The following PHLDB3 variants were observed in gnomAD, a reference collection of about 807,000 sequenced individuals.
PHLDB3 encodes pleckstrin homology like domain family B member 3, also known as pleckstrin homology-like domain family B member 3.
A neutral mutation model predicts 85.7 loss-of-function variants in PHLDB3; 86 were observed. That is an observed-to-expected ratio of 1.00 (90% CI 0.84 to 1.20). PHLDB3 has a LOEUF of 1.20. Ranked by LOEUF, PHLDB3 falls within the 50% of genes most tolerant of loss-of-function variation. The probability of loss-of-function intolerance (pLI) is 0.00; values close to 1 mark genes in which losing one functional copy is unlikely to be tolerated. For missense variants in PHLDB3, 995 were observed against 873.0 expected (o/e 1.14, Z -1.76); for synonymous variants, 376 against 349.8 (o/e 1.07, Z -0.83).
At chr19:43,492,709 A>AG in intron 9 of PHLDB3, among the ~76,000 whole-genome samples, 1 of 151,974 alleles carries the variant, frequency 6.6e-6, no homozygotes, top group East Asian at 1.9e-4. Context: ...GCCACATACT[A>AG]GCTGGTTAAA....
At chr19:43,491,627 G>A (rs866129920) in intron 9 of PHLDB3, among the ~76,000 whole-genome samples, 22 of 150,454 alleles carry the variant, frequency 1.5e-4, no homozygotes, top group Middle Eastern at 6.9e-3. Flanking sequence ...TCAGCCTCCC[G>A]AGTAACTGGG....
rs1410559513 is a variant in PHLDB3 at position 43,503,107 on chromosome 19, CCT to C, written c.213+797_213+798del. Among the ~76,000 whole-genome samples, 4 of 152,144 alleles carry C rather than the reference CCT, an allele frequency of 2.6e-5. No homozygotes were observed. In the East Asian group the frequency reaches 5.8e-4, roughly 22 times the overall value. Reference sequence around the variant, plus strand: ...TCTCTGCCATTTATTTCTGGGTTTCCCTCTGTCTCGATTCCCCTCTCTCTGAC... The same window carrying C: ...TCTCTGCCATTTATTTCTGGGTTTCCCTGTCTCGATTCCCCTCTCTCTGAC... On this transcript the variant is annotated intron_variant, in intron 2 of 15. Transcript: ENST00000292140.
intron 1 of PHLDB3, 74 bp from the exon 2 acceptor site, chr19:43,504,206 G>A (rs1375820230): frequency 6.0e-6 from 8 of 1,339,618 alleles, no homozygotes; most frequent in African/African-American, 1.6e-5. Context: ...GTCTGCTCCG[G>A]GGCGCGGAGA....
chr19:43,477,734 G>A lies in PHLDB3; in HGVS notation c.1788+313C>T, dbSNP rs112154063. On this transcript the variant is annotated intron_variant, in intron 15 of 15. Coordinates refer to ENST00000292140, the MANE Select transcript of PHLDB3 (RefSeq NM_198850.4). ...GAGGCAGGAGAATTGCTTGAACCAG[G>A]GAGGCGGAGGTTGCAGTGAGCCGAG... Among the ~76,000 whole-genome samples the A allele has an allele frequency of 1.1e-4, 16 of 151,530 alleles. 1 individual carries two copies. The highest frequency in any genetic ancestry group is 3.9e-4 in the African/African-American group (16 of 40,962).
At chr19:43,497,902 C>A (rs1438494070) in intron 4 of PHLDB3, 26 bp from the exon 5 acceptor site, 1 of 1,584,202 alleles carries the variant, frequency 6.3e-7, no homozygotes. Context: ...GGTTCTCACC[C>A]TCAGCTTAAG....
intron 13 of PHLDB3, among the ~76,000 whole-genome samples, chr19:43,481,547 G>T (rs1422829293): frequency 6.6e-6 from 1 of 152,104 alleles, no homozygotes; most frequent in Non-Finnish European, 1.5e-5. Flanking sequence ...GAACTCGGGA[G>T]GTGGAGGTTG....
chr19:43,486,424 G>A, intron 12 of PHLDB3, 102 bp from the exon 13 acceptor site: 1 of 1,312,190 alleles, frequency 7.6e-7, no homozygotes, highest in Non-Finnish European at 1.0e-6. Context: ...TACAGGGACT[G>A]GGGGCCTGGA....
intron 13 of PHLDB3, among the ~76,000 whole-genome samples, chr19:43,480,835 A>T (rs1283368053): frequency 6.6e-6 from 1 of 152,146 alleles, no homozygotes; most frequent in East Asian, 1.9e-4. Flanking sequence ...TAGAGTGGTC[A>T]CCTCAGATGG....
In PHLDB3 at chr19:43,502,201, C is replaced by T. The variant is rs377400669; in HGVS notation, c.296G>A (p.Arg99Gln). 1.3e-6 allele frequency: 2 copies of T among 1,569,500 alleles called. No homozygotes were observed. The highest frequency in any genetic ancestry group is 1.7e-4 in the Middle Eastern group (1 of 5,966). ...SSREGVRGAA[R>Q]RLQGQQLEAL... ...CTCCAGCTGCTGTCCTTGCAGGCGC[C>T]GCGCCGCCCCTCGCACCCCTTCCCG... The change falls in exon 3 of 16, where the codon CGG becomes CAG. Residue 99 changes from arginine to glutamine, a missense_variant. Transcript: ENST00000292140.
intron 13 of PHLDB3, among the ~76,000 whole-genome samples, chr19:43,484,676 C>T (rs2145904703): frequency 6.6e-6 from 1 of 152,296 alleles, no homozygotes; most frequent in East Asian, 1.9e-4. Context: ...CACATCACTG[C>T]ACTCTAGCCT....
intron 10 of PHLDB3, 29 bp from the exon 11 acceptor site, chr19:43,486,899 C>G: frequency 1.3e-6 from 2 of 1,514,138 alleles, no homozygotes; most frequent in Non-Finnish European, 1.8e-6. Flanking sequence ...GGTTACAGGG[C>G]TGGATACACC....
intron 13 of PHLDB3, among the ~76,000 whole-genome samples, chr19:43,480,340 C>G (rs1449607661): frequency 1.4e-5 from 2 of 147,920 alleles, no homozygotes. Flanking sequence ...CCTGTAATCT[C>G]AGCACTTTGG....
chr19:43,494,785 G>C lies in PHLDB3; in HGVS notation c.1066C>G (p.Leu356Val), dbSNP rs757016158. 7 of 1,613,074 alleles carry C rather than the reference G, an allele frequency of 4.3e-6. No individual in the cohort carries two copies. The African/African-American group carries it at 9.3e-5, about 22-fold the overall frequency. Residue 356 changes from leucine (L) to valine (V), a missense_variant, in exon 9 of 16, where the codon CTG (leucine) becomes GTG (valine). Leu to Val is a conservative substitution (Grantham distance 32, BLOSUM62 1). Transcript: ENST00000292140. ...LLFTQKTDRQ[L>V]LVLQDAVAHS... ...GCCACGGCATCCTGGAGCACCAGCA[G>C]CTGGCGGTCTGTCTTCTGGGTGAAC... is the stretch of plus-strand genomic sequence containing the variant.
In PHLDB3 at chr19:43,492,891, G is replaced by GTTA. The variant is rs199624815; in HGVS notation, c.1149+1808_1149+1810dup. Among the ~76,000 whole-genome samples the GTTA allele has an allele frequency of 5.5e-3, 829 of 151,860 alleles. 20 individuals are homozygous for GTTA. The highest frequency in any genetic ancestry group is 0.012 in the East Asian group (61 of 5,190). On this transcript the variant is annotated intron_variant, in intron 9 of 15. Transcript: ENST00000292140. ...TGTTATTATTATTGCTATTGTTAAT[G>GTTA]TTATTATTATTATTATTGTAAAGTC...
chr19:43,493,955 G>C (rs1324953256), intron 9 of PHLDB3, among the ~76,000 whole-genome samples: 1 of 152,120 alleles, frequency 6.6e-6, no homozygotes, highest in Non-Finnish European at 1.5e-5. Flanking sequence ...AACCCAAACT[G>C]CTCCAATGTG....
chr19:43,498,436 GAGAAAGAAAA>G (rs1271458047), intron 4 of PHLDB3, among the ~76,000 whole-genome samples: 3 of 145,340 alleles, frequency 2.1e-5, no homozygotes, highest in Admixed American at 7.2e-5. Flanking sequence ...AGGGAGGGAA[GAGAAAGAAAA>G]AGAAAGAAAA....
chr19:43,484,026 T>C (rs991085276), intron 13 of PHLDB3, among the ~76,000 whole-genome samples: 8 of 151,530 alleles, frequency 5.3e-5, no homozygotes, highest in Non-Finnish European at 1.0e-4. Context: ...CCAAAGCGGG[T>C]GGATCACCTG....
At chr19:43,484,252 GAAA>G (rs768129873) in intron 13 of PHLDB3, among the ~76,000 whole-genome samples, 22 of 85,810 alleles carry the variant, frequency 2.6e-4, no homozygotes, top group African/African-American at 9.3e-4. Context: ...CTCCATCTTG[GAAA>G]AAAAAAAAAA....
chr19:43,480,613 G>C (rs1477180950), intron 13 of PHLDB3, among the ~76,000 whole-genome samples: 1 of 152,120 alleles, frequency 6.6e-6, no homozygotes, highest in African/African-American at 2.4e-5. Flanking sequence ...AAGAAAGAGA[G>C]AGCTTGTTTA....
Sources: allele counts gnomAD v4.1 joint callset (sites outside exome capture counted in the v4.1 genomes callset), GRCh38; gene constraint gnomAD v4.1.1; transcripts MANE v1.5; gene names NCBI Gene and HGNC (gene_info 2026-07-23, HGNC 2026-07-21).